The following TRAPPC9 variants were observed in gnomAD, a reference collection of about 807,000 sequenced individuals.
The protein encoded by TRAPPC9 is IKK2 binding protein.
Under a neutral mutation model 124.0 loss-of-function variants are expected in TRAPPC9, and 83 were observed. That is an observed-to-expected ratio of 0.67 (90% CI 0.56 to 0.80). The LOEUF is 0.80. Among genes scored for constraint, TRAPPC9 ranks in the 30% least tolerant of loss-of-function variants. The pLI is 0.00. For synonymous variants in TRAPPC9, 638 were observed against 617.5 expected (o/e 1.03, Z -0.49); for missense variants, 1,302 against 1,508.3 (o/e 0.86, Z 2.27).
chr8:139,880,762 A>G (rs1829630220), intron 21 of TRAPPC9, among the ~76,000 whole-genome samples: 1 of 152,252 alleles, frequency 6.6e-6, no homozygotes, highest in African/African-American at 2.4e-5. Flanking sequence ...TGTTCACTGG[A>G]AACAGCAAGA....
chr8:139,840,913 T>A (rs1185001245), intron 21 of TRAPPC9, among the ~76,000 whole-genome samples: 3 of 152,114 alleles, frequency 2.0e-5, no homozygotes, highest in Admixed American at 6.6e-5. Context: ...CCTTCTAGGG[T>A]GCTTGGAAGG....
intron 20 of TRAPPC9, among the ~76,000 whole-genome samples, chr8:139,891,315 G>A (rs1257461739): frequency 6.6e-6 from 1 of 152,250 alleles, no homozygotes; most frequent in Non-Finnish European, 1.5e-5. Flanking sequence ...TGAAGGAAGG[G>A]GAGGAAGCAA....
At chr8:140,371,710 T>TC in intron 7 of TRAPPC9, among the ~76,000 whole-genome samples, 1 of 151,330 alleles carries the variant, frequency 6.6e-6, no homozygotes, top group Non-Finnish European at 1.5e-5. Flanking sequence ...CTGTTTCTTT[T>TC]CTTTTTTTTT....
intron 21 of TRAPPC9, among the ~76,000 whole-genome samples, chr8:139,882,142 G>A (rs1050806448): frequency 3.3e-5 from 5 of 152,240 alleles, no homozygotes; most frequent in African/African-American, 1.2e-4. Flanking sequence ...AAAAGACTCT[G>A]TAGCTTTTAA....
chr8:140,327,730 G>A (rs997679268), intron 9 of TRAPPC9, among the ~76,000 whole-genome samples: 7 of 152,230 alleles, frequency 4.6e-5, no homozygotes, highest in African/African-American at 1.7e-4. Context: ...AGGAAAAGTA[G>A]AATGATGGTT....
In TRAPPC9 at chr8:140,311,252, C is replaced by T. The variant is rs575439626; in HGVS notation, c.1618G>A (p.Val540Ile). Residue 540 changes from valine to isoleucine, a missense_variant, in exon 10 of 23, where the codon GTC (valine) becomes ATC (isoleucine). Physicochemically the swap from Val to Ile is conservative, Grantham distance 29 (BLOSUM62 3). This residue lies in a region of TRAPPC9 where 657 missense variants were observed against 811.2 expected (regional missense o/e 0.81). Transcript: ENST00000438773. ...GCTCTGCAGTGCCCATCTCACCTGA[C>T]GATGGGAAGCTTGGTGAAGGGCACC... ...PPVPFTKLPIVRHVKLLNLPA... is the reference protein window; with the variant it reads ...PPVPFTKLPIIRHVKLLNLPA... The T allele has an allele frequency of 4.2e-5, 67 of 1,611,020 alleles. No individual in the cohort carries two copies. In the East Asian group the frequency reaches 9.4e-4, roughly 23 times the overall value.
chr8:140,287,438 C>T (rs2065519848), intron 13 of TRAPPC9, among the ~76,000 whole-genome samples, 170 bp downstream of exon 13: 1 of 152,136 alleles, frequency 6.6e-6, no homozygotes, highest in South Asian at 2.1e-4. Flanking sequence ...CACCACACAT[C>T]CCGCACCCCA....
chr8:139,897,588 A>C (rs918295609), intron 20 of TRAPPC9, among the ~76,000 whole-genome samples: 1 of 152,212 alleles, frequency 6.6e-6, no homozygotes, highest in African/African-American at 2.4e-5. Flanking sequence ...GTGATGTGTC[A>C]GTTACCTACA....
intron 19 of TRAPPC9, among the ~76,000 whole-genome samples, chr8:139,959,195 G>T (rs1400830172): frequency 1.3e-5 from 2 of 152,340 alleles, no homozygotes; most frequent in East Asian, 1.9e-4. Context: ...TGTAAAATAA[G>T]GTTATAGACA....
intron 19 of TRAPPC9, among the ~76,000 whole-genome samples, chr8:139,970,494 T>C (rs1835990623): frequency 6.6e-6 from 1 of 152,112 alleles, no homozygotes; most frequent in South Asian, 2.1e-4. Flanking sequence ...CGGGAGCCAG[T>C]AGCCTGAGAT....
intron 17 of TRAPPC9, among the ~76,000 whole-genome samples, chr8:140,209,176 A>C (rs984166886): frequency 7.2e-5 from 11 of 152,180 alleles, no homozygotes; most frequent in Non-Finnish European, 1.5e-4. Context: ...GATCCGCCTA[A>C]AACAACGAGC....
chr8:139,950,219 G>T (rs1206093880), intron 19 of TRAPPC9, among the ~76,000 whole-genome samples: 1 of 152,256 alleles, frequency 6.6e-6, no homozygotes, highest in East Asian at 1.9e-4. Context: ...TCTATGGAAT[G>T]AAGGCAACTT....
At chr8:140,156,743 G>A (rs2061637496) in intron 17 of TRAPPC9, among the ~76,000 whole-genome samples, 1 of 152,194 alleles carries the variant, frequency 6.6e-6, no homozygotes. Flanking sequence ...AAAGAGTACC[G>A]CCACTGATAC....
chr8:139,896,187 C>T (rs768356891), intron 20 of TRAPPC9, among the ~76,000 whole-genome samples: 3 of 152,214 alleles, frequency 2.0e-5, no homozygotes, highest in African/African-American at 7.2e-5. Context: ...ACAAGAATGG[C>T]AAGGCTGGCT....
chr8:140,382,021 A>G (rs1253223374), intron 7 of TRAPPC9, among the ~76,000 whole-genome samples: 1 of 152,260 alleles, frequency 6.6e-6, no homozygotes, highest in Non-Finnish European at 1.5e-5. Flanking sequence ...ATACATGTAC[A>G]TGAGTGTTCA....
At chr8:140,272,165 G>C (rs980421085) in intron 15 of TRAPPC9, among the ~76,000 whole-genome samples, 3 of 63,638 alleles carry the variant, frequency 4.7e-5, no homozygotes, top group Non-Finnish European at 1.0e-4. Context: ...AGTGATGGCA[G>C]TGGTTATAGT....
chr8:140,186,099 C>T (rs1334079456), intron 17 of TRAPPC9, among the ~76,000 whole-genome samples: 1 of 152,134 alleles, frequency 6.6e-6, no homozygotes, highest in Non-Finnish European at 1.5e-5. Context: ...GATAATAAAG[C>T]CCTGTGAAAA....
intron 18 of TRAPPC9, among the ~76,000 whole-genome samples, chr8:139,995,170 G>A (rs2131745160): frequency 6.6e-6 from 1 of 152,308 alleles, no homozygotes. Flanking sequence ...AACTGGCAGT[G>A]AGCTGCATCT....
intron 13 of TRAPPC9, 26 bp from the exon 14 acceptor site, chr8:140,284,047 C>G: frequency 6.2e-7 from 1 of 1,613,660 alleles, no homozygotes. Context: ...AACTTCTTCA[C>G]TCCACTGGCA....
Sources: allele counts gnomAD v4.1 joint callset (sites outside exome capture counted in the v4.1 genomes callset), GRCh38; gene constraint gnomAD v4.1.1; regional missense constraint gnomAD v4.1.1; transcripts MANE v1.5; gene names NCBI Gene and HGNC (gene_info 2026-07-23, HGNC 2026-07-21).